Variants in HIVEP2 observed in about 807,000 individuals in gnomAD.
HIVEP2 encodes transcription factor HIVEP2.
Under a neutral mutation model 180.7 loss-of-function variants are expected in HIVEP2, and 14 were observed. The ratio of observed to expected loss-of-function variants is 0.08; its 90% confidence interval spans 0.05 to 0.12. The LOEUF (loss-of-function observed/expected upper bound fraction) is 0.12. Among genes scored for constraint, HIVEP2 ranks in the 10% least tolerant of loss-of-function variants. HIVEP2 has a pLI of 1.00. For synonymous variants in HIVEP2, 1,184 were observed against 1,136.4 expected (o/e 1.04, Z -0.84); for missense variants, 2,579 against 3,008.5 (o/e 0.86, Z 3.34).
At chr6:142,884,738 A>G (rs764139532) in intron 1 of HIVEP2, among the ~76,000 whole-genome samples, 4 of 152,206 alleles carry the variant, frequency 2.6e-5, no homozygotes, top group Non-Finnish European at 4.4e-5. Flanking sequence ...CCGTTATCCA[A>G]AAGCAAATGT....
intron 5 of HIVEP2, among the ~76,000 whole-genome samples, chr6:142,768,789 A>G (rs988708162): frequency 2.0e-5 from 3 of 151,796 alleles, no homozygotes; most frequent in African/African-American, 7.2e-5. Context: ...ATAGATACAC[A>G]TATACACTCA....
chr6:142,936,415 C>T (rs568653796), intron 1 of HIVEP2, among the ~76,000 whole-genome samples: 2 of 152,034 alleles, frequency 1.3e-5, no homozygotes, highest in African/African-American at 4.8e-5. Context: ...TGATCTCGAA[C>T]TCCTGACCTT....
chr6:142,801,761 A>G (rs1776417184), intron 2 of HIVEP2, among the ~76,000 whole-genome samples: 1 of 152,206 alleles, frequency 6.6e-6, no homozygotes, highest in African/African-American at 2.4e-5. Context: ...GAAAATCACT[A>G]GATCATTGTA....
intron 6 of HIVEP2, 62 bp from the exon 7 acceptor site, chr6:142,765,036 G>T: frequency 6.9e-7 from 1 of 1,455,928 alleles, no homozygotes; most frequent in Non-Finnish European, 9.3e-7. Flanking sequence ...ATATATTAAA[G>T]CAAAAGCTAA....
chr6:142,931,839 T>C (rs1777949547), intron 1 of HIVEP2, among the ~76,000 whole-genome samples: 1 of 152,216 alleles, frequency 6.6e-6, no homozygotes, highest in African/African-American at 2.4e-5. Context: ...TATCTATCGT[T>C]TTAAGTCCAA....
In HIVEP2 at chr6:142,822,106, G is replaced by A. The variant is rs146847756; in HGVS notation, c.-528+14829C>T. Among the ~76,000 whole-genome samples the A allele has an allele frequency of 7.0e-4, 106 of 152,268 alleles. 1 individual carries two copies. The East Asian group carries it at 0.016, about 23-fold the overall frequency. ...CAGGAAAGACGCTACTTTTAATTCC[G>A]GCTCCACCATATGACCTTAAGTAAC... On this transcript the variant is annotated intron_variant, in intron 2 of 9. Transcript: ENST00000367603.
intron 1 of HIVEP2, among the ~76,000 whole-genome samples, chr6:142,903,808 C>G (rs1258919015): frequency 6.6e-6 from 1 of 152,080 alleles, no homozygotes; most frequent in Non-Finnish European, 1.5e-5. Flanking sequence ...TCATTTCTCT[C>G]ATCCATTTCA....
rs565884779 is a variant in HIVEP2, at chr6:142,818,443, A to G, written c.-528+18492T>C. On this transcript the variant is annotated intron_variant, in intron 2 of 9. Coordinates refer to ENST00000367603, the MANE Select transcript of HIVEP2 (RefSeq NM_006734.4). ...TGTAATCCCAGCACTTTGGGAGGCC[A>G]AAGCGGGTGGATCACTTGAGGTCAG... 5.3e-4 allele frequency among the ~76,000 whole-genome samples: 80 copies of G among 152,034 alleles called. 1 individual carries two copies. Among genetic ancestry groups the G allele is most frequent in the African/African-American group, 1.8e-3 (75 of 41,460 alleles).
chr6:142,773,741 C>G lies in HIVEP2; in HGVS notation c.998G>C (p.Ser333Thr). ...MKVPILIIPK[S>T]GIPLPNESSQ... ...GCTTTCATTAGGGAGAGGAATCCCACTTTTAGGGATAATCAAAATCGGCAC... is the reference window on the plus strand; with the variant it reads ...GCTTTCATTAGGGAGAGGAATCCCAGTTTTAGGGATAATCAAAATCGGCAC... Residue 333 changes from serine (S) to threonine (T), a missense_variant, in exon 5 of 10, where the codon AGT becomes ACT. By Grantham distance (58) the Ser-to-Thr change is moderately conservative. Coordinates refer to ENST00000367603, the MANE Select transcript of HIVEP2 (RefSeq NM_006734.4). 1 of 1,614,034 alleles carries G rather than the reference C, an allele frequency of 6.2e-7. No individual in the cohort carries two copies. Among genetic ancestry groups the G allele is most frequent in the Non-Finnish European group, 8.5e-7 (1 of 1,179,982 alleles).
intron 9 of HIVEP2, among the ~76,000 whole-genome samples, chr6:142,755,957 T>G (rs955504947): frequency 3.3e-5 from 5 of 152,228 alleles, no homozygotes; most frequent in African/African-American, 1.2e-4. Context: ...TTTTACTCCA[T>G]TTGCAATCCT....
At chr6:142,785,860 A>G (rs1775986289) in intron 2 of HIVEP2, among the ~76,000 whole-genome samples, 1 of 152,234 alleles carries the variant, frequency 6.6e-6, no homozygotes, top group Non-Finnish European at 1.5e-5. Flanking sequence ...AGAAGAGAAA[A>G]GCAATGGTAA....
At chr6:142,926,613 G>T (rs1182106799) in intron 1 of HIVEP2, among the ~76,000 whole-genome samples, 1 of 152,242 alleles carries the variant, frequency 6.6e-6, no homozygotes, top group Non-Finnish European at 1.5e-5. Context: ...AGCCCCCGGT[G>T]CTCCGGGCCC....
chr6:142,761,368 CT>C, intron 8 of HIVEP2, 95 bp downstream of exon 8: 1 of 654,292 alleles, frequency 1.5e-6, no homozygotes. Flanking sequence ...AAAGTGATCA[CT>C]TTTTAAAAAT....
At chr6:142,829,514 C>T (rs897749757) in intron 2 of HIVEP2, among the ~76,000 whole-genome samples, 4 of 152,160 alleles carry the variant, frequency 2.6e-5, no homozygotes, top group African/African-American at 9.7e-5. Flanking sequence ...TCTCTGAGGA[C>T]CCTAGTACAA....
chr6:142,930,495 C>G (rs551197120), intron 1 of HIVEP2, among the ~76,000 whole-genome samples: 18 of 151,586 alleles, frequency 1.2e-4, no homozygotes, highest in Non-Finnish European at 2.6e-4. Flanking sequence ...TCAAGGCTAG[C>G]TAACTAAACA....
rs1778236721 is a variant in HIVEP2, at chr6:142,943,893, C to G, written c.-641+1206G>C. On this transcript the variant is annotated intron_variant, in intron 1 of 9. Transcript: ENST00000367603. The surrounding 1 kb of genome is among the most constrained non-coding windows in gnomAD (Gnocchi z 4.5). ...TATCAAGAGATTCCTCTGGTCTCCT[C>G]GAAGTCATCCCCAGCGCCCCCCATC... Among the ~76,000 whole-genome samples the G allele has an allele frequency of 6.6e-6, 1 of 152,132 alleles. No individual in the cohort carries two copies. Among genetic ancestry groups the G allele is most frequent in the Non-Finnish European group, 1.5e-5 (1 of 68,004 alleles).
At position 142,771,154 on chromosome 6, in the gene HIVEP2, T is replaced by G; in HGVS notation, c.3585A>C (p.Thr1195=). 6.2e-7 allele frequency: 1 copy of G among 1,614,190 alleles called. No homozygotes were observed. Among genetic ancestry groups the G allele is most frequent in the Non-Finnish European group, 8.5e-7 (1 of 1,180,028 alleles). The change falls in exon 5 of 10, where the codon ACA becomes ACC. Residue 1195 remains threonine (T), a synonymous_variant. Transcript: ENST00000367603. This position sits in a 1 kb window ranked among gnomAD's most constrained non-coding sequence, Gnocchi z 5.4. ...EQPHLFPHQE[T]IPFSPIQNAL... is the part of the protein sequence containing the mutation. ...CATTCTGGATTGGAGAAAATGGAAT[T>G]GTCTCTTGATGTGGAAATAAGTGTG...
intron 1 of HIVEP2, among the ~76,000 whole-genome samples, chr6:142,857,392 A>T (rs958948983): frequency 6.6e-6 from 1 of 152,172 alleles, no homozygotes; most frequent in Non-Finnish European, 1.5e-5. Flanking sequence ...CTTATTTTGT[A>T]TGTTCTCACG....
chr6:142,770,014 T>C lies in HIVEP2; in HGVS notation c.4725A>G (p.Ala1575=), dbSNP rs751609315. The stretch of plus-strand genomic sequence containing the variant: ...TCTGTGGGCTCATGCTCATGTCCGA[T>C]GCCGTCTCATCGATATCTAATTCAT... The part of the protein sequence containing the change: ...SSDELDIDET[A]SDMSMSPQSS... Residue 1575 remains alanine (A), a synonymous_variant, in exon 5 of 10, where the codon GCA becomes GCG. Coordinates refer to ENST00000367603, the MANE Select transcript of HIVEP2 (RefSeq NM_006734.4). The surrounding 1 kb of genome is among the most constrained non-coding windows in gnomAD (Gnocchi z 4.7). 5.6e-6 allele frequency: 9 copies of C among 1,614,178 alleles called. No individual in the cohort carries two copies. The South Asian group carries it at 9.9e-5, about 18-fold the overall frequency.
Sources: gnomAD v4.1 joint callset for allele counts (sites outside exome capture counted in the v4.1 genomes callset) on GRCh38, gnomAD v4.1.1 for gene constraint, Gnocchi (gnomAD v3.1) non-coding constraint, MANE v1.5 for transcripts, NCBI Gene and HGNC (gene_info 2026-07-23, HGNC 2026-07-21) for gene names.